The following UGT1A3 variants were observed in gnomAD, a reference collection of about 807,000 sequenced individuals.
UGT1A3 encodes UDP glucuronosyltransferase family 1 member A3.
Under a neutral mutation model 41.0 loss-of-function variants are expected in UGT1A3, and 31 were observed. The ratio of observed to expected loss-of-function variants is 0.76; its 90% CI spans 0.57 to 1.02. The LOEUF (loss-of-function observed/expected upper bound fraction) is 1.02. UGT1A3 is among the 50% of genes least tolerant of loss of function. The pLI, the probability that UGT1A3 is intolerant of heterozygous loss-of-function variation, is 0.00. For synonymous variants in UGT1A3, 262 were observed against 257.6 expected, an observed-to-expected ratio of 1.02 and a Z score of -0.17; for missense variants, 737 against 671.0, an observed-to-expected ratio of 1.10 and a Z score of -1.09.
rs35802766 is a variant in UGT1A3, at chr2:233,761,211, C to T, written c.868-5823C>T. Reference sequence around the variant, plus strand: ...TTCTTTCAGATGTATTACTTTGGATCGATTAACTAGCCCCAGATATATGCT... The same window carrying T: ...TTCTTTCAGATGTATTACTTTGGATTGATTAACTAGCCCCAGATATATGCT... On this transcript the variant is annotated intron_variant, in intron 1 of 4. Coordinates refer to ENST00000482026, the MANE Select transcript of UGT1A3 (RefSeq NM_019093.4). 81 of 1,613,620 alleles carry T rather than the reference C, an allele frequency of 5.0e-5. No homozygotes were observed. In the East Asian group the frequency reaches 6.7e-4, roughly 13 times the overall value.
intron 1 of UGT1A3, among the ~76,000 whole-genome samples, chr2:233,744,647 A>G (rs1048416794): frequency 6.6e-6 from 1 of 151,912 alleles, no homozygotes; most frequent in Non-Finnish European, 1.5e-5. Context: ...CAGCTTCTGT[A>G]TTCAATCTAC....
chr2:233,754,958 A>G (rs750600568), intron 1 of UGT1A3: 19 of 1,315,144 alleles, frequency 1.4e-5, no homozygotes, highest in South Asian at 1.4e-4. Flanking sequence ...CCCGGCCGCC[A>G]AAGAACTCCC....
intron 1 of UGT1A3, chr2:233,744,073 C>T (rs1340911345): frequency 3.6e-5 from 17 of 475,584 alleles, no homozygotes; most frequent in South Asian, 1.4e-4. Flanking sequence ...ATGAGCGCCT[C>T]GCATCCCAAG....
In UGT1A3 at chr2:233,769,710, C is replaced by T. The variant is rs1472517831; in HGVS notation, c.1307+1271C>T. 9.9e-6 allele frequency: 15 copies of T among 1,507,706 alleles called. No homozygotes were observed. Among genetic ancestry groups the T allele is most frequent in the African/African-American group, 1.4e-5 (1 of 72,712 alleles). The allele number at this position is 1,507,706 out of a possible 1,614,324, so 93.4% of individuals were successfully genotyped here. A position where few individuals can be genotyped will look rare whatever the true frequency, so the allele number is the denominator to read the frequency against. On this transcript the variant is annotated intron_variant, in intron 4 of 4. Transcript: ENST00000482026. The surrounding 1 kb of genome is among the most constrained non-coding windows in gnomAD (Gnocchi z 4.4). ...GCACTGGATAAAAGATCAATGTTGG[C>T]TAGGCACCATGGCACACGCCTGTAG...
intron 1 of UGT1A3, among the ~76,000 whole-genome samples, chr2:233,732,854 T>C (rs1024629141): frequency 3.3e-5 from 5 of 151,658 alleles, no homozygotes; most frequent in African/African-American, 9.7e-5. Context: ...TGTGAAGTCA[T>C]TGGTAGCTTG....
intron 1 of UGT1A3, chr2:233,747,257 G>T: frequency 6.2e-7 from 1 of 1,600,080 alleles, no homozygotes; most frequent in Non-Finnish European, 8.5e-7. Context: ...CTGGCCACAG[G>T]AGTGCTACTC....
chr2:233,751,728 CCTCT>C (rs1694798514), intron 1 of UGT1A3, among the ~76,000 whole-genome samples: 2 of 152,164 alleles, frequency 1.3e-5, no homozygotes, highest in South Asian at 2.1e-4. Flanking sequence ...GTGAACTCTT[CCTCT>C]CTGTTTCTCT....
At chr2:233,737,085 G>C (rs1351233887) in intron 1 of UGT1A3, among the ~76,000 whole-genome samples, 2 of 152,202 alleles carry the variant, frequency 1.3e-5, no homozygotes, top group Non-Finnish European at 2.9e-5. Flanking sequence ...TGTCAGACAG[G>C]GATGTTTAAG....
intron 1 of UGT1A3, among the ~76,000 whole-genome samples, chr2:233,744,198 G>A (rs1317214415): frequency 6.6e-6 from 1 of 151,870 alleles, no homozygotes; most frequent in Non-Finnish European, 1.5e-5. Flanking sequence ...CTCCAAAAAG[G>A]ATGGGAAAAA....
chr2:233,754,633 C>G (rs1196115983), intron 1 of UGT1A3: 1 of 444,794 alleles, frequency 2.2e-6, no homozygotes, highest in Non-Finnish European at 4.5e-6. Context: ...TCCACCCTTT[C>G]TTGGCCATTC....
intron 1 of UGT1A3, among the ~76,000 whole-genome samples, chr2:233,736,953 C>G (rs1030380285): frequency 2.0e-5 from 3 of 152,174 alleles, no homozygotes; most frequent in Admixed American, 1.3e-4. Flanking sequence ...TGTCTGTTGG[C>G]CCCTACTGGG....
chr2:233,743,852 G>A (rs770873874), intron 1 of UGT1A3: 10 of 1,367,226 alleles, frequency 7.3e-6, no homozygotes, highest in East Asian at 9.1e-5. Flanking sequence ...CTTGCGGTAC[G>A]CCTTCTTGAT....
chr2:233,763,409 T>C (rs1698304893), intron 1 of UGT1A3, among the ~76,000 whole-genome samples: 1 of 152,246 alleles, frequency 6.6e-6, no homozygotes, highest in Admixed American at 6.5e-5. Flanking sequence ...ACTGGTATTT[T>C]TAATCCAGTC....
intron 1 of UGT1A3, chr2:233,743,799 C>T: frequency 7.3e-7 from 1 of 1,367,352 alleles, no homozygotes. Flanking sequence ...TCCGCTTCCT[C>T]CTTGTTCTCA....
chr2:233,747,406 T>C (rs111706856), intron 1 of UGT1A3: 83,939 of 1,606,544 alleles, frequency 0.052, 2,713 homozygotes, highest in Non-Finnish European at 0.063. Flanking sequence ...ACCCCAGAGG[T>C]GAATATGCAC....
At chr2:233,738,575 G>GGA (rs1690841736) in intron 1 of UGT1A3, among the ~76,000 whole-genome samples, 1 of 152,198 alleles carries the variant, frequency 6.6e-6, no homozygotes, top group African/African-American at 2.4e-5. Flanking sequence ...GTTGAGAACT[G>GGA]GAGCAAAGGT....
chr2:233,773,128 A>G lies in UGT1A3; in HGVS notation c.*569A>G. On this transcript the variant is annotated 3_prime_UTR_variant, in exon 5 of 5. Transcript: ENST00000482026. ...TGATTTCTTGCTTTGGGGAAAAAGA[A>G]TGATGCTATGAAATTGGTGGGTGGT... The G allele has an allele frequency of 6.4e-6, 1 of 155,198 alleles. No homozygotes were observed. Among genetic ancestry groups the G allele is most frequent in the Non-Finnish European group, 1.4e-5 (1 of 69,704 alleles). 9.6% of individuals were successfully genotyped at this position (155,198 alleles called of 1,614,324 possible). A position where few individuals can be genotyped will look rare whatever the true frequency, so the allele number is the denominator to read the frequency against.
chr2:233,755,381 T>A (rs759849144), intron 1 of UGT1A3: 1 of 348,720 alleles, frequency 2.9e-6, no homozygotes, highest in Non-Finnish European at 5.6e-6. Flanking sequence ...GGCCGCCCCT[T>A]ATGACGCAGC....
At chr2:233,734,739 A>C (rs1237187845) in intron 1 of UGT1A3, among the ~76,000 whole-genome samples, 2 of 152,196 alleles carry the variant, frequency 1.3e-5, no homozygotes, top group East Asian at 1.9e-4. Context: ...GTTTCAAAGA[A>C]CATCTTTATT....
Sources: gnomAD v4.1 joint callset for allele counts (sites outside exome capture counted in the v4.1 genomes callset) on GRCh38, gnomAD v4.1.1 for gene constraint, Gnocchi (gnomAD v3.1) non-coding constraint, MANE v1.5 for transcripts, NCBI Gene and HGNC (gene_info 2026-07-23, HGNC 2026-07-21) for gene names.